The following SERPINA1 variants were observed in gnomAD, a reference collection of about 807,000 sequenced individuals.
SERPINA1 encodes the protein serpin family A member 1, also known as alpha-1-antitrypsin.
A neutral mutation model predicts 25.4 loss-of-function variants in SERPINA1; 21 were observed. The ratio of observed to expected loss-of-function variants is 0.83; its 90% CI spans 0.59 to 1.19. SERPINA1 has a LOEUF of 1.19. Among genes scored for constraint, SERPINA1 ranks in the 50% most tolerant of loss-of-function variants. The pLI is 0.00. For missense variants in SERPINA1, 546 were observed against 509.0 expected (o/e 1.07, Z -0.70); for synonymous variants, 218 against 211.1 (o/e 1.03, Z -0.29).
Position 94,379,649 on chromosome 14 carries a change from A to G in SERPINA1, c.918-38T>C, listed in dbSNP as rs373200315. 6.2e-6 allele frequency: 10 copies of G among 1,613,780 alleles called. No homozygotes were observed. The African/African-American group carries it at 1.3e-4, about 22-fold the overall frequency. On this transcript the variant is annotated intron_variant, in intron 3 of 4. Coordinates refer to ENST00000393087, the MANE Select transcript of SERPINA1 (RefSeq NM_000295.5). Reference sequence around the variant, plus strand: ...AAAGAAATTCAAGGCATGGCACAGCATTCCTCTTGTTCTTCTGGGACCCAC... The same window carrying G: ...AAAGAAATTCAAGGCATGGCACAGCGTTCCTCTTGTTCTTCTGGGACCCAC...
intron 2 of SERPINA1, among the ~76,000 whole-genome samples, chr14:94,381,935 T>C (rs1292380336): frequency 6.6e-6 from 1 of 152,198 alleles, no homozygotes; most frequent in Non-Finnish European, 1.5e-5. Context: ...CAGTGGGAGC[T>C]GGCTTAGAAT....
intron 1 of SERPINA1, among the ~76,000 whole-genome samples, chr14:94,386,703 T>A (rs1382429678): frequency 6.6e-6 from 1 of 152,138 alleles, no homozygotes; most frequent in Non-Finnish European, 1.5e-5. Context: ...CCCAGGACCA[T>A]TTCAGCAGGA....
chr14:94,379,333 C>A, intron 4 of SERPINA1, 131 bp downstream of exon 4: 1 of 1,356,252 alleles, frequency 7.4e-7, no homozygotes, highest in Admixed American at 1.7e-5. Flanking sequence ...TCACGGGCAT[C>A]TTCAGGAGCT....
At chr14:94,381,622 G>A (rs1326889324) in intron 2 of SERPINA1, among the ~76,000 whole-genome samples, 1 of 152,206 alleles carries the variant, frequency 6.6e-6, no homozygotes, top group East Asian at 1.9e-4. Flanking sequence ...AAATGCAGAT[G>A]CCTGAGCAGC....
At chr14:94,383,450 A>C in intron 1 of SERPINA1, 2 of 594,264 alleles carry the variant, frequency 3.4e-6, no homozygotes, top group Middle Eastern at 8.9e-4. Context: ...CTCCGTGCTC[A>C]CATGTGTTAA....
chr14:94,380,272 G>T (rs953270932), intron 3 of SERPINA1, among the ~76,000 whole-genome samples: 1 of 152,268 alleles, frequency 6.6e-6, no homozygotes, highest in Non-Finnish European at 1.5e-5. Context: ...GATCAGCAGG[G>T]CATGGGCATA....
intron 2 of SERPINA1, among the ~76,000 whole-genome samples, chr14:94,381,830 C>T (rs749958714): frequency 1.3e-5 from 2 of 152,200 alleles, no homozygotes; most frequent in Admixed American, 6.5e-5. Context: ...TCTCCACTGC[C>T]CTCCTTTGCC....
chr14:94,381,403 C>A (rs981776354), intron 2 of SERPINA1, among the ~76,000 whole-genome samples: 21 of 152,128 alleles, frequency 1.4e-4, no homozygotes, highest in African/African-American at 4.6e-4. Flanking sequence ...TAAGAGATGC[C>A]ATCGTGGCTG....
At position 94,382,872 on chromosome 14, in the gene SERPINA1, T is replaced by C. The variant is rs199725228; in HGVS notation, c.366A>G (p.Glu122=). The C allele has an allele frequency of 1.2e-6, 2 of 1,613,952 alleles. No homozygotes were observed. The highest frequency in any genetic ancestry group is 1.3e-5 in the African/African-American group (1 of 74,980). The change falls in exon 2 of 5, where the codon GAA becomes GAG. Residue 122 remains glutamate (E), a synonymous_variant. Transcript: ENST00000393087. The part of the protein sequence containing the change: ...PEAQIHEGFQ[E]LLRTLNQPDS... ...CTGGCTGGTTGAGGGTACGGAGGAG[T>C]TCCTGGAAGCCTTCATGGATCTGAG...
rs864622044 is a variant in SERPINA1, at chr14:94,380,940, T to A, written c.848A>T (p.Lys283Ile). Residue 283 changes from lysine (K) to isoleucine (I), a missense_variant, in exon 3 of 5, where the codon AAA (lysine) becomes ATA (isoleucine). Transcript: ENST00000393087. ...TAIFFLPDEGKLQHLENELTH... is the reference protein window; with the variant it reads ...TAIFFLPDEGILQHLENELTH... ...GAGTTCATTTTCCAGGTGCTGTAGT[T>A]TCCCCTCATCAGGCAGGAAGAAGAT... 6.8e-6 allele frequency: 11 copies of A among 1,614,180 alleles called. No individual in the cohort carries two copies. The highest frequency in any genetic ancestry group is 2.2e-5 in the East Asian group (1 of 44,878).
chr14:94,379,338 G>A, intron 4 of SERPINA1, 126 bp downstream of exon 4: 1 of 1,384,682 alleles, frequency 7.2e-7, no homozygotes, highest in Non-Finnish European at 1.0e-6. Context: ...GGCATCTTCA[G>A]GAGCTCAGCC....
chr14:94,387,559 T>C (rs1353243873), intron 1 of SERPINA1, among the ~76,000 whole-genome samples: 1 of 152,204 alleles, frequency 6.6e-6, no homozygotes, highest in African/African-American at 2.4e-5. Flanking sequence ...TATCATGTTT[T>C]GCCCAAGAGA....
Position 94,379,021 on chromosome 14 carries a change from G to A in SERPINA1, c.1066-381C>T, listed in dbSNP as rs1232769656. 1.9e-4 allele frequency: 99 copies of A among 534,308 alleles called. 1 individual carries two copies. In the East Asian group the frequency reaches 2.2e-3, roughly 12 times the overall value. The allele number at this position is 534,308 out of a possible 1,614,324, so 33.1% of individuals were successfully genotyped here. On this transcript the variant is annotated intron_variant, in intron 4 of 4. Coordinates refer to ENST00000393087, the MANE Select transcript of SERPINA1 (RefSeq NM_000295.5). ...CCCCAAGATAATGCAGCCATTCATGGAACTGCAGTTGTTCATTGGTCGCCT... is the reference window on the plus strand; with the variant it reads ...CCCCAAGATAATGCAGCCATTCATGAAACTGCAGTTGTTCATTGGTCGCCT...
upstream of SERPINA1, among the ~76,000 whole-genome samples, chr14:94,389,169 G>A (rs143721793): frequency 8.8e-4 from 134 of 152,318 alleles, no homozygotes; most frequent in African/African-American, 2.9e-3. Flanking sequence ...AGACACAACC[G>A]TCAGGCTGGC....
At chr14:94,386,163 C>T (rs1323382135) in intron 1 of SERPINA1, among the ~76,000 whole-genome samples, 6 of 152,160 alleles carry the variant, frequency 3.9e-5, no homozygotes, top group African/African-American at 9.7e-5. Flanking sequence ...CCTGGGAGGG[C>T]GACTGGAGAG....
intron 1 of SERPINA1, among the ~76,000 whole-genome samples, chr14:94,385,604 G>A (rs967165564): frequency 6.6e-6 from 1 of 152,252 alleles, no homozygotes; most frequent in Admixed American, 6.5e-5. Flanking sequence ...TGGGGTTACA[G>A]GCGAGAGCCC....
Position 94,383,198 on chromosome 14 carries a change from C to T in SERPINA1, c.40G>A (p.Gly14Ser), listed in dbSNP as rs1897081099. ...SVSWGILLLA[G>S]LCCLVPVSLA... is the part of the protein sequence containing the mutation. ...GAGACAGGGACCAGGCAGCACAGGCCTGCCAGCAGGAGGATGCCCCACGAG... is the reference window on the plus strand; with the variant it reads ...GAGACAGGGACCAGGCAGCACAGGCTTGCCAGCAGGAGGATGCCCCACGAG... Residue 14 changes from glycine (G) to serine (S), a missense_variant, in exon 2 of 5, where the codon GGC (glycine) becomes AGC (serine). Transcript: ENST00000393087. The T allele has an allele frequency of 2.5e-6, 4 of 1,614,098 alleles. No individual in the cohort carries two copies. The highest frequency in any genetic ancestry group is 3.4e-6 in the Non-Finnish European group (4 of 1,180,030).
In SERPINA1 at chr14:94,379,420, C is replaced by G. The variant is rs377161317; in HGVS notation, c.1065+44G>C. The G allele has an allele frequency of 3.6e-5, 58 of 1,611,358 alleles. No homozygotes were observed. In the African/African-American group the frequency reaches 7.1e-4, roughly 20 times the overall value. On this transcript the variant is annotated intron_variant, in intron 4 of 4. Transcript: ENST00000393087. ...GAGCTGCAGCCCCCACACATTCTTC[C>G]CTACAGATACCAGGGTGCAACAAGG...
intron 1 of SERPINA1, among the ~76,000 whole-genome samples, chr14:94,384,550 T>C (rs1350852517): frequency 6.6e-6 from 1 of 152,154 alleles, no homozygotes; most frequent in Non-Finnish European, 1.5e-5. Flanking sequence ...GAACCTGCCC[T>C]GCCCCACAGT....
Sources: gnomAD v4.1 joint callset for allele counts (sites outside exome capture counted in the v4.1 genomes callset) on GRCh38, gnomAD v4.1.1 for gene constraint, MANE v1.5 for transcripts, NCBI Gene and HGNC (gene_info 2026-07-23, HGNC 2026-07-21) for gene names.